The following OTOF variants were observed in gnomAD, a reference collection of about 807,000 sequenced individuals.
OTOF encodes the protein otoferlin.
Under a neutral mutation model 236.8 loss-of-function variants are expected in OTOF, and 218 were observed. The observed-to-expected ratio is 0.92, with a 90% CI of 0.82 to 1.03. OTOF has a LOEUF of 1.03. Ranked by LOEUF, OTOF falls within the 50% of genes least tolerant of loss-of-function variation. The pLI, the probability that OTOF is intolerant of heterozygous loss-of-function variation, is 0.00. For synonymous variants in OTOF, 1,041 were observed against 1,072.5 expected (o/e 0.97, Z 0.57); for missense variants, 2,590 against 2,694.4 (o/e 0.96, Z 0.86).
chr2:26,521,152 A>G (rs1464654827), intron 3 of OTOF, among the ~76,000 whole-genome samples: 3 of 152,176 alleles, frequency 2.0e-5, no homozygotes, highest in Admixed American at 2.0e-4. Flanking sequence ...TATTTCTGAC[A>G]AGTTTCCAGG....
At chr2:26,507,690 A>T (rs2148085930) in intron 5 of OTOF, among the ~76,000 whole-genome samples, 1 of 152,312 alleles carries the variant, frequency 6.6e-6, no homozygotes, top group Non-Finnish European at 1.5e-5. Context: ...ATGGCTCCTT[A>T]TTCTTGGGCG....
chr2:26,521,777 G>T (rs1666682144), intron 3 of OTOF, among the ~76,000 whole-genome samples: 1 of 152,254 alleles, frequency 6.6e-6, no homozygotes, highest in Non-Finnish European at 1.5e-5. Context: ...GAGTCAGACA[G>T]ATGTGGGCTC....
At chr2:26,459,341 A>G (rs1012458609) in intron 46 of OTOF, among the ~76,000 whole-genome samples, 22 of 152,152 alleles carry the variant, frequency 1.4e-4, no homozygotes, top group African/African-American at 5.1e-4. Context: ...TCACGAGGTC[A>G]GGAGATCGAG....
intron 1 of OTOF, among the ~76,000 whole-genome samples, chr2:26,545,077 C>A (rs1398209403): frequency 6.6e-6 from 1 of 151,730 alleles, no homozygotes; most frequent in Non-Finnish European, 1.5e-5. Context: ...AAAGAAATCG[C>A]CAAATAGTTT....
chr2:26,495,335 T>G (rs1665956385), intron 8 of OTOF, among the ~76,000 whole-genome samples: 1 of 152,200 alleles, frequency 6.6e-6, no homozygotes, highest in Admixed American at 6.5e-5. Flanking sequence ...CTTAACTTGC[T>G]GGGCCGAAGG....
chr2:26,470,581 C>A lies in OTOF; in HGVS notation c.4023+12G>T. The A allele has an allele frequency of 1.2e-6, 2 of 1,614,040 alleles. No homozygotes were observed. Among genetic ancestry groups the A allele is most frequent in the Non-Finnish European group, 8.5e-7 (1 of 1,179,940 alleles). On this transcript the variant is annotated intron_variant, in intron 32 of 46. Transcript: ENST00000272371. The surrounding 1 kb of genome is among the most constrained non-coding windows in gnomAD (Gnocchi z 4.3). ...AGGGGGTCACCTCCCCTCACCCTAC[C>A]CGAGGTCTCACCTCCTTCATGGTGT... is the stretch of plus-strand genomic sequence containing the variant.
intron 1 of OTOF, among the ~76,000 whole-genome samples, chr2:26,539,338 A>T (rs1196701994): frequency 6.6e-6 from 1 of 152,160 alleles, no homozygotes; most frequent in Non-Finnish European, 1.5e-5. Flanking sequence ...TAAGGGAAAA[A>T]AGGCAGCATG....
At chr2:26,516,693 C>CCA (rs772196649) in intron 4 of OTOF, 94 bp from the exon 5 acceptor site, 114 of 1,336,466 alleles carry the variant, frequency 8.5e-5, no homozygotes, top group Middle Eastern at 2.1e-4. Context: ...CACAGCGCTT[C>CCA]CACACCCTTG....
rs1047483815 is a variant in OTOF at position 26,507,218 on chromosome 2, A to G, written c.510-3373T>C. 3.7e-4 allele frequency among the ~76,000 whole-genome samples: 56 copies of G among 152,328 alleles called. 2 individuals are homozygous for G. The highest frequency in any genetic ancestry group is 3.5e-3 in the Admixed American group (54 of 15,306). On this transcript the variant is annotated intron_variant, in intron 5 of 46. Coordinates refer to ENST00000272371, the MANE Select transcript of OTOF (RefSeq NM_194248.3). ...GAAGGATGTAATTTCCAGAATTCTT[A>G]CTACAGGCTCTGTACCTCTGATTCT...
At chr2:26,491,049 A>G (rs1310914575) in intron 9 of OTOF, among the ~76,000 whole-genome samples, 1 of 152,108 alleles carries the variant, frequency 6.6e-6, no homozygotes, top group Non-Finnish European at 1.5e-5. Context: ...TGGGAGGGGA[A>G]GCAGGCCCAG....
rs571064273 is a variant in OTOF, at chr2:26,462,362, C to T, written c.5193-181G>A. Among the ~76,000 whole-genome samples the T allele has an allele frequency of 1.1e-3, 173 of 152,050 alleles. No individual in the cohort carries two copies. Among genetic ancestry groups the T allele is most frequent in the Non-Finnish European group, 2.0e-3 (136 of 67,954 alleles). The stretch of plus-strand genomic sequence containing the variant: ...GGGAGCAGAGGCATGAGTGAGAAGG[C>T]CCACCAGGCACATGGCTGTGGGCGG... On this transcript the variant is annotated intron_variant, in intron 41 of 46. Transcript: ENST00000272371. The surrounding 1 kb of genome is among the most constrained non-coding windows in gnomAD (Gnocchi z 4.7).
chr2:26,520,365 A>G lies in OTOF; in HGVS notation c.228-1256T>C, dbSNP rs116315919. Among the ~76,000 whole-genome samples, 425 of 152,282 alleles carry G rather than the reference A, an allele frequency of 2.8e-3. 1 individual carries two copies. The highest frequency in any genetic ancestry group is 9.7e-3 in the African/African-American group (403 of 41,536). On this transcript the variant is annotated intron_variant, in intron 3 of 46. Transcript: ENST00000272371. Reference sequence around the variant, plus strand: ...AGGTATCAGATGAATTCTGACTCAGACATGCTTCATGTCTCTACCACCCTG... The same window carrying G: ...AGGTATCAGATGAATTCTGACTCAGGCATGCTTCATGTCTCTACCACCCTG...
chr2:26,558,621 T>C lies in OTOF; in HGVS notation c.-50A>G, dbSNP rs754280785. 1.8e-4 allele frequency: 271 copies of C among 1,494,046 alleles called. No homozygotes were observed. Among genetic ancestry groups the C allele is most frequent in the Non-Finnish European group, 2.3e-4 (244 of 1,072,076 alleles). The allele number at this position is 1,494,046 out of a possible 1,614,324, so 92.5% of individuals were successfully genotyped here. A position where few individuals can be genotyped will look rare whatever the true frequency, so the allele number is the denominator to read the frequency against. ...CCAGGCAGGAGCAGCGGGAAGGAGC[T>C]AGCCGGTGGAGCACGGCTCACACGC... On this transcript the variant is annotated 5_prime_UTR_variant, in exon 1 of 47. Transcript: ENST00000272371.
intron 10 of OTOF, 107 bp downstream of exon 10, chr2:26,489,571 C>T (rs555963705): frequency 1.9e-5 from 18 of 943,290 alleles, no homozygotes; most frequent in Middle Eastern, 2.1e-4. Flanking sequence ...CCAGGCACGG[C>T]GCTGCCTCTT....
At chr2:26,471,241 G>C in intron 30 of OTOF, 91 bp from the exon 31 acceptor site, 1 of 1,458,574 alleles carries the variant, frequency 6.9e-7, no homozygotes, top group Admixed American at 1.7e-5. Flanking sequence ...TGGAGGAGCC[G>C]AGATGGAAAT....
chr2:26,495,627 T>G (rs888259924), intron 8 of OTOF, among the ~76,000 whole-genome samples: 2 of 152,130 alleles, frequency 1.3e-5, no homozygotes, highest in Non-Finnish European at 2.9e-5. Context: ...GGTTTTGCCA[T>G]GTTGGCCAGG....
At chr2:26,518,958 C>A (rs938572779) in intron 4 of OTOF, 52 bp downstream of exon 4, 3 of 1,263,368 alleles carry the variant, frequency 2.4e-6, no homozygotes, top group Non-Finnish European at 3.4e-6. Context: ...GAGAACAGAC[C>A]CCCAGATGGC....
intron 11 of OTOF, among the ~76,000 whole-genome samples, chr2:26,487,974 A>G (rs1665741798): frequency 6.6e-6 from 1 of 152,224 alleles, no homozygotes; most frequent in Non-Finnish European, 1.5e-5. Flanking sequence ...AAACCCCTTC[A>G]TCACCTTGGG....
intron 1 of OTOF, among the ~76,000 whole-genome samples, chr2:26,552,618 G>A (rs1164483579): frequency 6.6e-6 from 1 of 152,170 alleles, no homozygotes; most frequent in Admixed American, 6.5e-5. Flanking sequence ...GGAATTTTCT[G>A]TGTGCTCTGT....
Sources: gnomAD v4.1 joint callset for allele counts (sites outside exome capture counted in the v4.1 genomes callset) on GRCh38, gnomAD v4.1.1 for gene constraint, Gnocchi (gnomAD v3.1) non-coding constraint, MANE v1.5 for transcripts, NCBI Gene and HGNC (gene_info 2026-07-23, HGNC 2026-07-21) for gene names.